Variants in BCLAF1 observed in about 807,000 individuals in gnomAD.
BCLAF1 encodes bcl-2-associated transcription factor 1.
In BCLAF1, 10 loss-of-function variants were observed where a neutral mutation model predicts 99.5. The ratio of observed to expected loss-of-function variants is 0.10; its 90% confidence interval spans 0.06 to 0.17. The LOEUF (loss-of-function observed/expected upper bound fraction) is 0.17, where lower values mean the gene tolerates loss of function less well. Among genes scored for constraint, BCLAF1 ranks in the 10% least tolerant of loss-of-function variants. BCLAF1 has a pLI of 1.00. For missense variants in BCLAF1, 636 were observed against 1,105.8 expected (o/e 0.58, Z 6.02); for synonymous variants, 255 against 370.9 (o/e 0.69, Z 3.59).
chr6:136,286,883 G>T lies in BCLAF1; in HGVS notation c.-115+2830C>A, dbSNP rs143238851. Among the ~76,000 whole-genome samples the T allele has an allele frequency of 6.2e-3, 949 of 152,252 alleles. 14 individuals carry two copies. Among genetic ancestry groups the T allele is most frequent in the African/African-American group, 0.022 (894 of 41,552 alleles). ...CTCTGGAGGCTGAGGCAGGAGAATC[G>T]CTTGAACCCATGAGGTGGAGGTTGC... On this transcript the variant is annotated intron_variant, in intron 1 of 12. Coordinates refer to ENST00000531224, the MANE Select transcript of BCLAF1 (RefSeq NM_014739.3).
At chr6:136,273,584 G>A (rs1385625646) in intron 6 of BCLAF1, 1 of 160,374 alleles carries the variant, frequency 6.2e-6, no homozygotes, top group African/African-American at 2.4e-5. Context: ...AAAATATGGA[G>A]TTAACTAAAA....
intron 6 of BCLAF1, among the ~76,000 whole-genome samples, chr6:136,275,158 T>C (rs945099970): frequency 8.5e-5 from 13 of 152,134 alleles, no homozygotes; most frequent in Non-Finnish European, 1.8e-4. Context: ...TATAAATCTA[T>C]GCCAAGATTA....
At chr6:136,288,005 G>A (rs999917413) in intron 1 of BCLAF1, among the ~76,000 whole-genome samples, 1 of 152,204 alleles carries the variant, frequency 6.6e-6, no homozygotes, top group Non-Finnish European at 1.5e-5. Context: ...AGGCGACAGA[G>A]CGACATTCCG....
Position 136,279,843 on chromosome 6 carries a change from T to C in BCLAF1, c.24A>G (p.Ser8=). 1.3e-6 allele frequency: 2 copies of C among 1,558,060 alleles called. No individual in the cohort carries two copies. The highest frequency in any genetic ancestry group is 1.7e-6 in the Non-Finnish European group (2 of 1,149,714). Residue 8 remains serine (S), a synonymous_variant, in exon 3 of 13, where the codon TCA becomes TCG. Transcript: ENST00000531224. MGRSNSR[S]HSSRSKSRSQ... ...ATCTAGACTTTGACCTTGAAGAATGTGATCTAGAATTGGAGCGACCCATTT... is the reference window on the plus strand; with the variant it reads ...ATCTAGACTTTGACCTTGAAGAATGCGATCTAGAATTGGAGCGACCCATTT...
rs758004446 is a variant in BCLAF1 at position 136,278,201 on chromosome 6, T to C, written c.680A>G (p.His227Arg). 5 of 1,614,022 alleles carry C rather than the reference T, an allele frequency of 3.1e-6. No individual in the cohort carries two copies. The South Asian group carries it at 3.3e-5, about 11-fold the overall frequency. ...SAYDNSPRSP[H>R]SPSPIATPPS... ...TGGTGTAGCAATAGGTGAAGGACTATGGGGTGATCTAGGACTATTATCATA... is the reference window on the plus strand; with the variant it reads ...TGGTGTAGCAATAGGTGAAGGACTACGGGGTGATCTAGGACTATTATCATA... The change falls in exon 4 of 13, where the codon CAT becomes CGT. Residue 227 changes from histidine (H) to arginine (R), a missense_variant. This residue lies in a region of BCLAF1 where 65 missense variants were observed against 90.9 expected (regional missense o/e 0.71). Transcript: ENST00000531224.
Position 136,257,644 on chromosome 6 carries a change from A to T in BCLAF1, c.*3466T>A, listed in dbSNP as rs1431026427. The T allele has an allele frequency of 6.6e-6, 1 of 152,184 alleles. No individual in the cohort carries two copies. The highest frequency in any genetic ancestry group is 1.9e-4 in the East Asian group (1 of 5,204). The allele number at this position is 152,184 out of a possible 1,614,324, so 9.4% of individuals were successfully genotyped here. On this transcript the variant is annotated 3_prime_UTR_variant, in exon 13 of 13. Coordinates refer to ENST00000531224, the MANE Select transcript of BCLAF1 (RefSeq NM_014739.3). ...TTAATAATAGTATCAACTATTTGAG[A>T]ACTCTAAACATGTAATGGATATTAC...
chr6:136,285,635 G>C (rs904148356), intron 1 of BCLAF1, among the ~76,000 whole-genome samples: 2 of 152,154 alleles, frequency 1.3e-5, no homozygotes, highest in African/African-American at 2.4e-5. Context: ...GGAATAAATT[G>C]CCATATGTAT....
At chr6:136,280,622 G>C (rs1784259073) in intron 2 of BCLAF1, among the ~76,000 whole-genome samples, 1 of 148,332 alleles carries the variant, frequency 6.7e-6, no homozygotes. Context: ...AAAAACTTGG[G>C]CACCAGTAGT....
intron 11 of BCLAF1, among the ~76,000 whole-genome samples, chr6:136,264,629 CCTT>C (rs1342239480): frequency 4.7e-4 from 71 of 152,288 alleles, no homozygotes; most frequent in African/African-American, 1.7e-3. Flanking sequence ...TCATATTTTT[CCTT>C]CTTTTCCCTC....
In BCLAF1 at chr6:136,256,684, T is replaced by TAAAG. The variant is rs1780500176; in HGVS notation, c.*4425_*4426insCTTT. The stretch of plus-strand genomic sequence containing the variant: ...GACTCCATCTCAATAAATAAATAAA[T>TAAAG]AAATAAATAAATAAATAAATAAATA... On this transcript the variant is annotated 3_prime_UTR_variant, in exon 13 of 13. Transcript: ENST00000531224. 6.5e-6 allele frequency: 1 copy of TAAAG among 153,410 alleles called. No individual in the cohort carries two copies. Among genetic ancestry groups the TAAAG allele is most frequent in the Non-Finnish European group, 1.3e-5 (1 of 76,910 alleles). 9.5% of individuals were successfully genotyped at this position (153,410 alleles called of 1,614,324 possible).
At chr6:136,287,884 G>A (rs919057810) in intron 1 of BCLAF1, among the ~76,000 whole-genome samples, 1 of 152,150 alleles carries the variant, frequency 6.6e-6, no homozygotes, top group Non-Finnish European at 1.5e-5. Context: ...AGCCCGGTGT[G>A]GTGGCGGGCG....
chr6:136,274,849 T>TAA lies in BCLAF1; in HGVS notation c.1852+681_1852+682dup, dbSNP rs565130105. Among the ~76,000 whole-genome samples, 660 of 147,978 alleles carry TAA rather than the reference T, an allele frequency of 4.5e-3. 1 individual carries two copies. Among genetic ancestry groups the TAA allele is most frequent in the African/African-American group, 0.014 (573 of 40,530 alleles). ...CTATAATTACATACTGGTAAAAATT[T>TAA]AAAAAAAAAAATCATTACTTTAGTT... On this transcript the variant is annotated intron_variant, in intron 6 of 12. Transcript: ENST00000531224.
At position 136,260,839 on chromosome 6, in the gene BCLAF1, T is replaced by C. The variant is rs1780865784; in HGVS notation, c.*271A>G. 6.4e-6 allele frequency: 3 copies of C among 465,694 alleles called. No homozygotes were observed. Among genetic ancestry groups the C allele is most frequent in the African/African-American group, 2.0e-5 (1 of 48,812 alleles). The allele number at this position is 465,694 out of a possible 1,614,324, so 28.8% of individuals were successfully genotyped here. On this transcript the variant is annotated 3_prime_UTR_variant, in exon 13 of 13. Coordinates refer to ENST00000531224, the MANE Select transcript of BCLAF1 (RefSeq NM_014739.3). ...ACCATATCTTATAGACAAAGCAGAA[T>C]TACAATGCATGTAACAAAAACGTTA...
At chr6:136,261,163 G>A in intron 12 of BCLAF1, 48 bp from the exon 13 acceptor site, 2 of 1,565,220 alleles carry the variant, frequency 1.3e-6, no homozygotes, top group Admixed American at 1.9e-5. Context: ...TGCGGAGAGT[G>A]AAAAGGAACC....
At chr6:136,273,492 A>T (rs1381988258) in intron 6 of BCLAF1, 3 of 243,298 alleles carry the variant, frequency 1.2e-5, no homozygotes, top group Non-Finnish European at 2.4e-5. Context: ...AAAGGAACAT[A>T]ATCTATGGAT....
Position 136,279,781 on chromosome 6 carries a change from G to T in BCLAF1, c.86C>A (p.Ser29Tyr). ...AAATCACCTGTATCGCTTCTTTCTA[G>T]AATGAGATCTTGATCTTGATCGAGA... ...SSSRSRSRSH[S>Y]RKKRYSSRSR... is the part of the protein sequence containing the mutation. Residue 29 changes from serine (S) to tyrosine (Y), a missense_variant, in exon 3 of 13, where the codon TCT becomes TAT. By Grantham distance (144) the Ser-to-Tyr change is moderately radical. Coordinates refer to ENST00000531224, the MANE Select transcript of BCLAF1 (RefSeq NM_014739.3). 6.4e-7 allele frequency: 1 copy of T among 1,570,110 alleles called. No individual in the cohort carries two copies. The highest frequency in any genetic ancestry group is 8.6e-7 in the Non-Finnish European group (1 of 1,159,284).
Position 136,275,717 on chromosome 6 carries a change from AACACAC to A in BCLAF1, c.1683-22_1683-17del. ...GGAAGCAGGTCTGGAACATATTGATAACACACACACACACAAAATATACCATTGGTT... is the reference window on the plus strand; with the variant it reads ...GGAAGCAGGTCTGGAACATATTGATAACACACACAAAATATACCATTGGTT... On this transcript the variant is annotated splice_polypyrimidine_tract_variant and intron_variant, in intron 5 of 12. Coordinates refer to ENST00000531224, the MANE Select transcript of BCLAF1 (RefSeq NM_014739.3). The A allele has an allele frequency of 6.4e-7, 1 of 1,570,984 alleles. No individual in the cohort carries two copies. Among genetic ancestry groups the A allele is most frequent in the South Asian group, 1.2e-5 (1 of 83,094 alleles).
Position 136,278,994 on chromosome 6 carries a change from AACACAC to A in BCLAF1, c.105-224_105-219del, listed in dbSNP as rs71006795. 5.9e-3 allele frequency among the ~76,000 whole-genome samples: 854 copies of A among 145,482 alleles called. 8 individuals are homozygous for A. The highest frequency in any genetic ancestry group is 0.019 in the African/African-American group (740 of 39,140). ...AAAGACCTTACAAATGAAGGCACAA[AACACAC>A]ACACACACACACACACACACACACA... On this transcript the variant is annotated intron_variant, in intron 3 of 12. Transcript: ENST00000531224.
intron 7 of BCLAF1, among the ~76,000 whole-genome samples, chr6:136,272,736 TTCTC>T (rs1249336119): frequency 6.6e-6 from 1 of 151,806 alleles, no homozygotes; most frequent in African/African-American, 2.4e-5. Context: ...CATGCTTTCG[TTCTC>T]TCTCTCTCAC....
Sources: allele counts gnomAD v4.1 joint callset (sites outside exome capture counted in the v4.1 genomes callset), GRCh38; gene constraint gnomAD v4.1.1; regional missense constraint gnomAD v4.1.1; transcripts MANE v1.5; gene names NCBI Gene and HGNC (gene_info 2026-07-23, HGNC 2026-07-21).